The following KCNIP4 variants were observed in gnomAD, a reference collection of about 807,000 sequenced individuals.
KCNIP4 encodes the protein Kv channel-interacting protein 4.
Under a neutral mutation model 34.0 loss-of-function variants are expected in KCNIP4, and 12 were observed. That is an observed-to-expected ratio of 0.35 (90% CI 0.23 to 0.57). KCNIP4 has a LOEUF of 0.57. Among genes scored for constraint, KCNIP4 ranks in the 20% least tolerant of loss-of-function variants. The probability of loss-of-function intolerance (pLI) is 0.83; values close to 1 mark genes in which losing one functional copy is unlikely to be tolerated. For synonymous variants in KCNIP4, 124 were observed against 102.2 expected (o/e 1.21, Z -1.29); for missense variants, 238 against 311.7 (o/e 0.76, Z 1.78).
At chr4:20,882,057 T>G (rs897496443) in intron 2 of KCNIP4, among the ~76,000 whole-genome samples, 1 of 152,228 alleles carries the variant, frequency 6.6e-6, no homozygotes, top group Non-Finnish European at 1.5e-5. Context: ...GTATATGATA[T>G]GTATATGCTT....
chr4:21,567,268 A>T (rs935791261), intron 1 of KCNIP4, among the ~76,000 whole-genome samples: 1 of 151,984 alleles, frequency 6.6e-6, no homozygotes, highest in African/African-American at 2.4e-5. Flanking sequence ...ACATTTGTGT[A>T]TATATACACA....
At chr4:21,882,007 T>C (rs1194837028) in intron 1 of KCNIP4, among the ~76,000 whole-genome samples, 1 of 152,186 alleles carries the variant, frequency 6.6e-6, no homozygotes, top group African/African-American at 2.4e-5. Flanking sequence ...GGATCAAGGC[T>C]GGTTCCAATC....
chr4:21,849,804 C>T (rs1294199974), intron 1 of KCNIP4: 1 of 151,770 alleles, frequency 6.6e-6, no homozygotes, highest in Non-Finnish European at 1.5e-5. Context: ...GTTGATAATA[C>T]TAAATTAATT....
At chr4:21,659,255 AAAACTAATTTTT>A (rs1748234978) in intron 1 of KCNIP4, among the ~76,000 whole-genome samples, 1 of 152,188 alleles carries the variant, frequency 6.6e-6, no homozygotes, top group Non-Finnish European at 1.5e-5. Context: ...TAGTGAAGTT[AAAACTAATTTTT>A]AAAAACCTAA....
chr4:21,706,196 C>A (rs1304761440), intron 1 of KCNIP4, among the ~76,000 whole-genome samples: 1 of 152,110 alleles, frequency 6.6e-6, no homozygotes, highest in Non-Finnish European at 1.5e-5. Context: ...TAACAGATGT[C>A]TTTAATATTT....
chr4:21,652,017 G>A (rs1360549920), intron 1 of KCNIP4, among the ~76,000 whole-genome samples: 1 of 152,100 alleles, frequency 6.6e-6, no homozygotes, highest in Non-Finnish European at 1.5e-5. Flanking sequence ...ACTAAAGTTT[G>A]TGTGTCTCAG....
chr4:21,386,316 T>A (rs977575846), intron 1 of KCNIP4, among the ~76,000 whole-genome samples: 1 of 152,166 alleles, frequency 6.6e-6, no homozygotes, highest in Non-Finnish European at 1.5e-5. Flanking sequence ...ATCTTTGTTT[T>A]ACTGTTTATG....
chr4:21,746,332 T>C (rs771463837), intron 1 of KCNIP4, among the ~76,000 whole-genome samples: 9 of 152,146 alleles, frequency 5.9e-5, no homozygotes, highest in Non-Finnish European at 1.0e-4. Flanking sequence ...AACAGGCACA[T>C]AAAAATATTA....
At chr4:20,989,973 CA>C (rs1382074215) in intron 1 of KCNIP4, among the ~76,000 whole-genome samples, 1 of 152,052 alleles carries the variant, frequency 6.6e-6, no homozygotes, top group Non-Finnish European at 1.5e-5. Flanking sequence ...AAAACAAAAA[CA>C]AAACAAAAGA....
chr4:21,167,981 A>C (rs1753755336), intron 1 of KCNIP4, among the ~76,000 whole-genome samples: 1 of 152,226 alleles, frequency 6.6e-6, no homozygotes, highest in Non-Finnish European at 1.5e-5. Flanking sequence ...GCCCTCAGGA[A>C]ATCAAAGTGT....
In KCNIP4 at chr4:21,519,330, GGAGA is replaced by G. The variant is rs551344317; in HGVS notation, c.61+429237_61+429240del. Among the ~76,000 whole-genome samples the G allele has an allele frequency of 7.3e-4, 99 of 135,908 alleles. 3 individuals carry two copies. In the East Asian group the frequency reaches 0.022, roughly 30 times the overall value. The allele number at this position is 135,908 out of a possible 152,430, so 89.2% of individuals were successfully genotyped here. A position where few individuals can be genotyped will look rare whatever the true frequency, so the allele number is the denominator to read the frequency against. ...GTTCTCTAGAGGGACAGAAATAATAGGAGAGAGAGAGATACACACACACACACAC... is the reference window on the plus strand; with the variant it reads ...GTTCTCTAGAGGGACAGAAATAATAGGAGAGAGATACACACACACACACAC... On this transcript the variant is annotated intron_variant, in intron 1 of 8. Transcript: ENST00000382152.
At chr4:21,784,706 C>A (rs1719788226) in intron 1 of KCNIP4, among the ~76,000 whole-genome samples, 1 of 152,046 alleles carries the variant, frequency 6.6e-6, no homozygotes, top group Non-Finnish European at 1.5e-5. Flanking sequence ...GACGAAAATC[C>A]AACTAGGTCA....
intron 1 of KCNIP4, among the ~76,000 whole-genome samples, chr4:21,089,358 T>C (rs1746772165): frequency 6.6e-6 from 1 of 152,184 alleles, no homozygotes; most frequent in African/African-American, 2.4e-5. Flanking sequence ...CCACCACGAT[T>C]GTAAATTTCC....
chr4:20,877,593 CTAT>C (rs1421435715), intron 2 of KCNIP4, among the ~76,000 whole-genome samples: 1 of 152,056 alleles, frequency 6.6e-6, no homozygotes, highest in Non-Finnish European at 1.5e-5. Context: ...TTATAGTAGG[CTAT>C]TATTATTACT....
intron 3 of KCNIP4, among the ~76,000 whole-genome samples, chr4:20,777,712 T>C (rs1216615069): frequency 6.6e-6 from 1 of 152,038 alleles, no homozygotes; most frequent in Non-Finnish European, 1.5e-5. Flanking sequence ...AGAGAAAAAG[T>C]GGAGGTTGTA....
intron 2 of KCNIP4, among the ~76,000 whole-genome samples, chr4:20,863,257 G>A (rs943068305): frequency 2.6e-5 from 4 of 152,206 alleles, no homozygotes; most frequent in East Asian, 1.9e-4. Context: ...TCGTCAGTTT[G>A]GAGATGGAAC....
At chr4:21,301,736 C>T (rs1184782560) in intron 1 of KCNIP4, among the ~76,000 whole-genome samples, 1 of 152,066 alleles carries the variant, frequency 6.6e-6, no homozygotes, top group Non-Finnish European at 1.5e-5. Flanking sequence ...GTAGAGTGCA[C>T]ACATTCTGAT....
At chr4:21,158,601 C>A (rs1318168975) in intron 1 of KCNIP4, among the ~76,000 whole-genome samples, 1 of 152,132 alleles carries the variant, frequency 6.6e-6, no homozygotes, top group Non-Finnish European at 1.5e-5. Flanking sequence ...GAATTCCTGA[C>A]AAACACTCTC....
intron 1 of KCNIP4, among the ~76,000 whole-genome samples, chr4:21,724,896 C>A (rs1373522852): frequency 6.6e-6 from 1 of 152,034 alleles, no homozygotes; most frequent in East Asian, 1.9e-4. Flanking sequence ...ATCCAAAGGT[C>A]TTTGGACTTC....
Sources: allele counts gnomAD v4.1 joint callset (sites outside exome capture counted in the v4.1 genomes callset), GRCh38; gene constraint gnomAD v4.1.1; transcripts MANE v1.5; gene names NCBI Gene and HGNC (gene_info 2026-07-23, HGNC 2026-07-21).